The following ADCY9 variants were observed in gnomAD, a reference collection of about 807,000 sequenced individuals.
ADCY9 encodes the protein adenylate cyclase 9.
In ADCY9, 50 loss-of-function variants were observed where a neutral mutation model predicts 101.5. The observed-to-expected ratio is 0.49, with a 90% CI of 0.39 to 0.62. The LOEUF (loss-of-function observed/expected upper bound fraction) is 0.62. Ranked by LOEUF, ADCY9 falls within the 20% of genes least tolerant of loss-of-function variation. The pLI is 0.00. For missense variants in ADCY9, 1,662 were observed against 1,800.4 expected, an observed-to-expected ratio of 0.92 and a Z score of 1.39; for synonymous variants, 905 against 769.3, an observed-to-expected ratio of 1.18 and a Z score of -2.92.
intron 2 of ADCY9, among the ~76,000 whole-genome samples, chr16:4,010,602 T>A (rs1046072644): frequency 2.6e-5 from 4 of 152,188 alleles, no homozygotes; most frequent in Non-Finnish European, 4.4e-5. Flanking sequence ...GATCGTGACC[T>A]GTGTGGAGCC....
chr16:4,069,428 A>T (rs2056820027), intron 2 of ADCY9, among the ~76,000 whole-genome samples: 1 of 147,750 alleles, frequency 6.8e-6, no homozygotes, highest in Admixed American at 6.7e-5. Flanking sequence ...GGGAGCCGTG[A>T]AGATGTAATG....
chr16:4,085,215 A>T (rs2141183354), intron 2 of ADCY9, among the ~76,000 whole-genome samples: 1 of 152,228 alleles, frequency 6.6e-6, no homozygotes, highest in East Asian at 1.9e-4. Context: ...TACAAAAATT[A>T]GCGGGGCATG....
chr16:4,020,034 C>T (rs369436174), intron 2 of ADCY9, among the ~76,000 whole-genome samples: 53 of 151,932 alleles, frequency 3.5e-4, no homozygotes, highest in East Asian at 1.2e-3. Context: ...GCTGAGATCG[C>T]GCCACTGCAC....
chr16:4,041,469 C>T lies in ADCY9; in HGVS notation c.1694-33911G>A, dbSNP rs200674687. Among the ~76,000 whole-genome samples the T allele has an allele frequency of 8.4e-5, 11 of 131,342 alleles. No homozygotes were observed. The East Asian group carries it at 2.1e-3, about 25-fold the overall frequency. The allele number at this position is 131,342 out of a possible 152,430, so 86.2% of individuals were successfully genotyped here. A position where few individuals can be genotyped will look rare whatever the true frequency, so the allele number is the denominator to read the frequency against. On this transcript the variant is annotated intron_variant, in intron 2 of 10. Transcript: ENST00000294016. ...CAGTGAGCTGAGATCACTGGGCGAT[C>T]GAGCAAGGGCGACAAAGCAAGGCCC...
chr16:4,009,504 A>G (rs2056389357), intron 2 of ADCY9, among the ~76,000 whole-genome samples: 1 of 152,178 alleles, frequency 6.6e-6, no homozygotes, highest in Non-Finnish European at 1.5e-5. Flanking sequence ...TGATCCGCCC[A>G]TCTTGGCCTC....
At chr16:3,989,152 G>A in intron 5 of ADCY9, 56 bp from the exon 6 acceptor site, 1 of 1,296,656 alleles carries the variant, frequency 7.7e-7, no homozygotes, top group Non-Finnish European at 1.1e-6. Flanking sequence ...CTGTGCCAAT[G>A]TTTTCAGATC....
rs1368036635 is a variant in ADCY9 at position 3,966,268 on chromosome 16, G to A, written c.3569C>T (p.Thr1190Ile). Residue 1190 changes from threonine to isoleucine, a missense_variant, in exon 11 of 11, where the codon ACC becomes ATC. Transcript: ENST00000294016. The part of the protein sequence containing the change: ...TKLLYDIWGD[T>I]VNIASRMDTT... Reference sequence around the variant, plus strand: ...GTCCATCCTGCTGGCGATGTTGACGGTGTCTCCCCAGATGTCGTACAGCAG... The same window carrying A: ...GTCCATCCTGCTGGCGATGTTGACGATGTCTCCCCAGATGTCGTACAGCAG... The A allele has an allele frequency of 5.6e-6, 9 of 1,614,166 alleles. No homozygotes were observed. The highest frequency in any genetic ancestry group is 1.7e-5 in the Admixed American group (1 of 60,016).
intron 2 of ADCY9, among the ~76,000 whole-genome samples, chr16:4,071,155 T>C (rs1038375086): frequency 7.0e-6 from 1 of 143,092 alleles, no homozygotes; most frequent in Admixed American, 6.9e-5. Flanking sequence ...TATGGTAATA[T>C]CCCATCTCTC....
At chr16:3,989,632 G>C (rs531840677) in intron 5 of ADCY9, among the ~76,000 whole-genome samples, 1 of 152,258 alleles carries the variant, frequency 6.6e-6, no homozygotes, top group Admixed American at 6.5e-5. Flanking sequence ...CACCCATCTC[G>C]GCCTCCCAAA....
intron 2 of ADCY9, among the ~76,000 whole-genome samples, chr16:4,020,743 G>A (rs1362456926): frequency 6.6e-6 from 1 of 151,346 alleles, no homozygotes; most frequent in Non-Finnish European, 1.5e-5. Flanking sequence ...GGAGAATGGC[G>A]TGAACCCAGG....
At chr16:3,970,890 G>C (rs936867046) in intron 10 of ADCY9, among the ~76,000 whole-genome samples, 1 of 152,120 alleles carries the variant, frequency 6.6e-6, no homozygotes, top group Non-Finnish European at 1.5e-5. Flanking sequence ...ACTGGAGCAT[G>C]GCTACGTCCC....
chr16:4,077,272 C>A (rs761711553), intron 2 of ADCY9, among the ~76,000 whole-genome samples: 18 of 152,076 alleles, frequency 1.2e-4, no homozygotes, highest in Non-Finnish European at 2.1e-4. Flanking sequence ...AGCCTTGTCC[C>A]CCCCCGAGGA....
In ADCY9 at chr16:3,992,379, G is replaced by C; in HGVS notation, c.1990-16C>G. On this transcript the variant is annotated splice_polypyrimidine_tract_variant and intron_variant, in intron 4 of 10. Transcript: ENST00000294016. This position sits in a 1 kb window ranked among gnomAD's most constrained non-coding sequence, Gnocchi z 4.2. The stretch of plus-strand genomic sequence containing the variant: ...CTCCAGAAGCCTGCCTCGAGACAAA[G>C]AGGACGCAGACACGGGAAGTGAAGT... 1.9e-6 allele frequency: 3 copies of C among 1,612,088 alleles called. No homozygotes were observed. The highest frequency in any genetic ancestry group is 1.3e-5 in the African/African-American group (1 of 74,974).
chr16:4,007,299 T>C, intron 3 of ADCY9, 69 bp downstream of exon 3: 1 of 1,374,212 alleles, frequency 7.3e-7, no homozygotes, highest in Non-Finnish European at 9.6e-7. Context: ...CTGCTTATTA[T>C]TTCACGTGCT....
At chr16:4,020,566 A>T (rs2056468355) in intron 2 of ADCY9, among the ~76,000 whole-genome samples, 1 of 152,188 alleles carries the variant, frequency 6.6e-6, no homozygotes, top group Admixed American at 6.5e-5. Flanking sequence ...TCACGTCTGT[A>T]ATCCCAGCAC....
chr16:4,038,091 C>A (rs570494773), intron 2 of ADCY9, among the ~76,000 whole-genome samples: 1 of 152,118 alleles, frequency 6.6e-6, no homozygotes, highest in South Asian at 2.1e-4. Flanking sequence ...CTAGGCAACA[C>A]AGCGAAGACT....
In ADCY9 at chr16:3,979,505, G is replaced by A. The variant is rs541085811; in HGVS notation, c.2520-230C>T. 2.6e-5 allele frequency among the ~76,000 whole-genome samples: 4 copies of A among 152,378 alleles called. No homozygotes were observed. In the South Asian group the frequency reaches 6.2e-4, roughly 24 times the overall value. ...TGATTCTAGGGTCACATGTTGCGTT[G>A]TGATAAAATATGCTTGTGAAAAGCA... is the stretch of plus-strand genomic sequence containing the variant. On this transcript the variant is annotated intron_variant, in intron 7 of 10. Transcript: ENST00000294016.
rs558267665 is a variant in ADCY9 at position 4,107,465 on chromosome 16, C to T, written c.1693+6285G>A. Among the ~76,000 whole-genome samples, 23 of 147,642 alleles carry T rather than the reference C, an allele frequency of 1.6e-4. 1 individual carries two copies. The South Asian group carries it at 4.3e-3, about 28-fold the overall frequency. On this transcript the variant is annotated intron_variant, in intron 2 of 10. Coordinates refer to ENST00000294016, the MANE Select transcript of ADCY9 (RefSeq NM_001116.4). Reference sequence around the variant, plus strand: ...ATTTGGGAGGCTGAGGCAGGAGAACCGCTTGAACCTGGGAGGCAGAGGTTG... The same window carrying T: ...ATTTGGGAGGCTGAGGCAGGAGAACTGCTTGAACCTGGGAGGCAGAGGTTG...
intron 2 of ADCY9, chr16:4,031,985 A>C (rs1393959876): frequency 6.6e-6 from 1 of 151,570 alleles, no homozygotes; most frequent in African/African-American, 2.4e-5. Context: ...GTGTTGAAGG[A>C]CTCACAGTTG....
Sources: allele counts gnomAD v4.1 joint callset (sites outside exome capture counted in the v4.1 genomes callset), GRCh38; gene constraint gnomAD v4.1.1; non-coding constraint Gnocchi (gnomAD v3.1); transcripts MANE v1.5; gene names NCBI Gene and HGNC (gene_info 2026-07-23, HGNC 2026-07-21).